CLPTM1L: variants seen among roughly 807,000 people sequenced by gnomAD.
The protein encoded by CLPTM1L is lipid scramblase CLPTM1L.
A neutral mutation model predicts 70.9 loss-of-function variants in CLPTM1L; 38 were observed. The ratio of observed to expected loss-of-function variants is 0.54; its 90% CI spans 0.41 to 0.70. CLPTM1L has a LOEUF of 0.70. Ranked by LOEUF, CLPTM1L falls within the 30% of genes least tolerant of loss-of-function variation. The pLI is 0.00. For missense variants in CLPTM1L, 652 were observed against 705.9 expected (o/e 0.92, Z 0.87); for synonymous variants, 339 against 299.9 (o/e 1.13, Z -1.35).
intron 9 of CLPTM1L, 186 bp from the exon 10 acceptor site, chr5:1,326,002 A>G (rs747827265): frequency 1.7e-6 from 1 of 579,688 alleles, no homozygotes; most frequent in Non-Finnish European, 3.1e-6. Flanking sequence ...TAACCCACAC[A>G]CGGCAGGCGT....
At chr5:1,339,633 CG>C (rs1415694808) in intron 3 of CLPTM1L, among the ~76,000 whole-genome samples, 1 of 89,746 alleles carries the variant, frequency 1.1e-5, no homozygotes, top group African/African-American at 6.2e-5. Flanking sequence ...AAACTGTGCT[CG>C]GGACAGCAGG....
chr5:1,335,833 G>T (rs1299136622), intron 5 of CLPTM1L, among the ~76,000 whole-genome samples: 1 of 152,198 alleles, frequency 6.6e-6, no homozygotes, highest in Non-Finnish European at 1.5e-5. Context: ...ACAAGCGCGA[G>T]CCCACACCCT....
Position 1,327,472 on chromosome 5 carries a change from C to T in CLPTM1L, c.1081-1656G>A, listed in dbSNP as rs565695039. On this transcript the variant is annotated intron_variant, in intron 9 of 16. Transcript: ENST00000320895. ...CTCTACAGGGACATTCCATCCAGCT[C>T]CTCCTCTACAGGGACATTTCATCCA... 7.1e-3 allele frequency among the ~76,000 whole-genome samples: 1,049 copies of T among 148,508 alleles called. 5 individuals are homozygous for T. The highest frequency in any genetic ancestry group is 0.025 in the African/African-American group (996 of 39,934).
At chr5:1,325,016 T>A (rs1332168121) in intron 10 of CLPTM1L, 5 of 605,356 alleles carry the variant, frequency 8.3e-6, no homozygotes, top group Non-Finnish European at 1.5e-5. Context: ...TGGCCCTGGG[T>A]CCCACAAGCC....
At chr5:1,333,698 A>AC (rs1753339996) in intron 7 of CLPTM1L, among the ~76,000 whole-genome samples, 27 of 84,004 alleles carry the variant, frequency 3.2e-4, no homozygotes, top group South Asian at 4.4e-4. Flanking sequence ...GACACACCGC[A>AC]AGAGGATAAG....
intron 8 of CLPTM1L, chr5:1,330,733 T>C: frequency 4.2e-6 from 1 of 238,758 alleles, no homozygotes; most frequent in South Asian, 1.2e-4. Context: ...AGTGCGTGGC[T>C]TTTCAAGTCT....
Position 1,338,883 on chromosome 5 carries a change from G to A in CLPTM1L, c.576C>T (p.Ala192=), listed in dbSNP as rs761418114. The change falls in exon 4 of 17, where the codon GCC becomes GCT. Residue 192 remains alanine (A), a synonymous_variant. Transcript: ENST00000320895. ...ACATCTTCATGTACCGATGCACATC[G>A]GCAGGCAGGGAGGACCCGTCAAAGA... ...NFVFDGSSLP[A]DVHRYMKMIQ... The A allele has an allele frequency of 3.1e-5, 50 of 1,613,186 alleles. No homozygotes were observed. The highest frequency in any genetic ancestry group is 4.1e-5 in the Non-Finnish European group (48 of 1,180,052).
At position 1,331,830 on chromosome 5, in the gene CLPTM1L, C is replaced by T; in HGVS notation, c.945G>A (p.Lys315=). 3 of 1,613,448 alleles carry T rather than the reference C, an allele frequency of 1.9e-6. No individual in the cohort carries two copies. The highest frequency in any genetic ancestry group is 2.2e-5 in the East Asian group (1 of 44,884). Residue 315 remains lysine (K), a synonymous_variant, in exon 8 of 17, where the codon AAG becomes AAA. Transcript: ENST00000320895. ...FKNDISFWKK[K]KSMIGMSTKA... ...TGGTGGACATGCCGATCATGCTCTTCTTCTTCTTCCAGAAACTGATGTCAT... is the reference window on the plus strand; with the variant it reads ...TGGTGGACATGCCGATCATGCTCTTTTTCTTCTTCCAGAAACTGATGTCAT...
intron 15 of CLPTM1L, 148 bp from the exon 16 acceptor site, chr5:1,320,879 C>T (rs971585416): frequency 4.5e-5 from 25 of 560,138 alleles, no homozygotes; most frequent in Admixed American, 6.9e-5. Context: ...AGCAGAAAGC[C>T]GGCAAGTGGA....
intron 7 of CLPTM1L, chr5:1,332,418 G>C (rs987157568): frequency 6.5e-6 from 1 of 152,706 alleles, no homozygotes; most frequent in African/African-American, 2.4e-5. Flanking sequence ...CATCCTTAGA[G>C]ACACTGACCT....
At chr5:1,340,041 C>G (rs1394854247) in intron 3 of CLPTM1L, among the ~76,000 whole-genome samples, 3 of 152,242 alleles carry the variant, frequency 2.0e-5, no homozygotes, top group Non-Finnish European at 2.9e-5. Context: ...GGCACAGCGG[C>G]CCCACAGCTG....
intron 7 of CLPTM1L, chr5:1,332,159 C>T: frequency 2.3e-6 from 1 of 433,360 alleles, no homozygotes; most frequent in Non-Finnish European, 4.2e-6. Context: ...ATTGGAGGCT[C>T]TGGATTCCCC....
chr5:1,334,946 G>A, intron 6 of CLPTM1L, 111 bp downstream of exon 6: 1 of 712,338 alleles, frequency 1.4e-6, no homozygotes. Context: ...GTCTGTGCAA[G>A]GATCTGCAGC....
chr5:1,329,875 A>G lies in CLPTM1L; in HGVS notation c.1080+405T>C, dbSNP rs34462021. On this transcript the variant is annotated intron_variant, in intron 9 of 16. Coordinates refer to ENST00000320895, the MANE Select transcript of CLPTM1L (RefSeq NM_030782.5). ...TCAGGACTCTCTGCTTGGTGGACAG[A>G]GCCTCAGGACTCTCTGCTTGGTGGA... is the stretch of plus-strand genomic sequence containing the variant. Among the ~76,000 whole-genome samples, 514 of 66,852 alleles carry G rather than the reference A, an allele frequency of 7.7e-3. 2 individuals carry two copies. Among genetic ancestry groups the G allele is most frequent in the African/African-American group, 0.017 (223 of 13,274 alleles). 43.9% of individuals were successfully genotyped at this position (66,852 alleles called of 152,430 possible).
intron 16 of CLPTM1L, among the ~76,000 whole-genome samples, chr5:1,319,327 C>T (rs1179242608): frequency 1.9e-5 from 2 of 106,358 alleles, no homozygotes; most frequent in East Asian, 3.0e-4. Flanking sequence ...CTGGAGCTCC[C>T]GTGCAGGGGC....
intron 3 of CLPTM1L, among the ~76,000 whole-genome samples, chr5:1,340,137 G>A (rs35595862): frequency 0.13 from 19,976 of 152,220 alleles, 1,654 homozygotes; most frequent in Middle Eastern, 0.23. Context: ...ATGTGGTCAC[G>A]GACTTCACCA....
At chr5:1,343,852 C>T (rs1378161241) in intron 2 of CLPTM1L, among the ~76,000 whole-genome samples, 1 of 152,170 alleles carries the variant, frequency 6.6e-6, no homozygotes, top group African/African-American at 2.4e-5. Context: ...AAAATTAGGC[C>T]ATGTCAGATG....
At chr5:1,334,095 C>G (rs1561245197) in intron 7 of CLPTM1L, among the ~76,000 whole-genome samples, 194 bp downstream of exon 7, 1 of 152,176 alleles carries the variant, frequency 6.6e-6, no homozygotes, top group Admixed American at 6.5e-5. Context: ...CTTTTCAGAA[C>G]TGGGAGAAAC....
intron 8 of CLPTM1L, chr5:1,330,797 C>T (rs375087832): frequency 5.5e-4 from 92 of 166,340 alleles, no homozygotes; most frequent in African/African-American, 2.0e-3. Flanking sequence ...TTATTCAACA[C>T]GTCTTCCTCC....
Sources: allele counts gnomAD v4.1 joint callset (sites outside exome capture counted in the v4.1 genomes callset), GRCh38; gene constraint gnomAD v4.1.1; transcripts MANE v1.5; gene names NCBI Gene and HGNC (gene_info 2026-07-23, HGNC 2026-07-21).